Variants in CEP128 observed in about 807,000 individuals in gnomAD.
The protein encoded by CEP128 is centrosomal protein 128.
CEP128 carries 132 observed loss-of-function variants against 156.7 expected under a neutral mutation model. The observed-to-expected ratio is 0.84, with a 90% CI of 0.73 to 0.97. CEP128 has a LOEUF of 0.97. CEP128 is among the 50% of genes least tolerant of loss of function. The pLI is 0.00. For synonymous variants in CEP128, 469 were observed against 448.9 expected, an observed-to-expected ratio of 1.04 and a Z score of -0.57; for missense variants, 1,252 against 1,281.9, an observed-to-expected ratio of 0.98 and a Z score of 0.36.
At chr14:80,836,094 G>A (rs1310776257) in intron 12 of CEP128, 111 bp downstream of exon 12, 1 of 937,202 alleles carries the variant, frequency 1.1e-6, no homozygotes, top group African/African-American at 1.7e-5. Context: ...GAAATAGTAT[G>A]ACGTGAGCAT....
chr14:80,856,990 C>T (rs1313092043), intron 9 of CEP128, among the ~76,000 whole-genome samples: 1 of 151,460 alleles, frequency 6.6e-6, no homozygotes, highest in Non-Finnish European at 1.5e-5. Context: ...TCGAGTGACC[C>T]GCCCACCTCA....
intron 23 of CEP128, among the ~76,000 whole-genome samples, chr14:80,513,130 C>T (rs1176676825): frequency 3.9e-5 from 6 of 152,082 alleles, no homozygotes; most frequent in Non-Finnish European, 7.4e-5. Flanking sequence ...CTGAAGGACT[C>T]CCATTAGCAT....
rs143067210 is a variant in CEP128, at chr14:80,670,016, C to T, written c.2806+73059G>A. ...GGAGCTGGCACATTCATGCCAAAAG[C>T]AGGAGCAAGAGAGAGGAGGGGAGAT... On this transcript the variant is annotated intron_variant, in intron 19 of 24. Coordinates refer to ENST00000555265, the MANE Select transcript of CEP128 (RefSeq NM_152446.5). Among the ~76,000 whole-genome samples the T allele has an allele frequency of 1.2e-4, 18 of 152,170 alleles. No homozygotes were observed. The East Asian group carries it at 3.5e-3, about 29-fold the overall frequency.
At chr14:80,792,070 A>G (rs983218607) in intron 14 of CEP128, among the ~76,000 whole-genome samples, 1 of 152,254 alleles carries the variant, frequency 6.6e-6, no homozygotes, top group Non-Finnish European at 1.5e-5. Context: ...GTTTAATTCA[A>G]CCCAAAGATA....
chr14:80,898,244 T>C (rs1889439850), intron 7 of CEP128, among the ~76,000 whole-genome samples: 1 of 152,222 alleles, frequency 6.6e-6, no homozygotes, highest in Non-Finnish European at 1.5e-5. Flanking sequence ...TACCAACCTT[T>C]CAACATCAAA....
At chr14:80,877,735 G>T (rs1888350722) in intron 8 of CEP128, among the ~76,000 whole-genome samples, 1 of 152,110 alleles carries the variant, frequency 6.6e-6, no homozygotes, top group Non-Finnish European at 1.5e-5. Context: ...AGCTACTTCA[G>T]TCACTGCATA....
At chr14:80,503,889 T>A (rs1390806997) in intron 24 of CEP128, among the ~76,000 whole-genome samples, 1 of 152,052 alleles carries the variant, frequency 6.6e-6, no homozygotes. Context: ...ACACCACTTA[T>A]CAGAAATCGA....
At chr14:80,687,476 G>C (rs1156989026) in intron 19 of CEP128, among the ~76,000 whole-genome samples, 2 of 152,088 alleles carry the variant, frequency 1.3e-5, no homozygotes, top group African/African-American at 4.8e-5. Flanking sequence ...GCATATTAGT[G>C]CAGTAACAGA....
Position 80,580,374 on chromosome 14 carries a change from C to T in CEP128, c.2856G>A (p.Gln952=), listed in dbSNP as rs770709454. 3 of 1,593,868 alleles carry T rather than the reference C, an allele frequency of 1.9e-6. No homozygotes were observed. Among genetic ancestry groups the T allele is most frequent in the Non-Finnish European group, 2.6e-6 (3 of 1,164,162 alleles). Residue 952 remains glutamine (Q), a splice_region_variant and synonymous_variant, in exon 20 of 25, where the codon CAG becomes CAA. Coordinates refer to ENST00000555265, the MANE Select transcript of CEP128 (RefSeq NM_152446.5). ...ATGCTTGCCCTATTTAAGAATTTAC[C>T]TGCAGAGATCCCATTTCTTCATCTT... is the stretch of plus-strand genomic sequence containing the variant. The part of the protein sequence containing the change: ...QRKDEEMGSL[Q]DRVIALETST...
chr14:80,811,677 A>ATGTGTGTGTG (rs71645384), intron 13 of CEP128, among the ~76,000 whole-genome samples: 1 of 146,488 alleles, frequency 6.8e-6, no homozygotes, highest in Non-Finnish European at 1.5e-5. Flanking sequence ...GTACAGACAT[A>ATGTGTGTGTG]TGTGTGTGTG....
chr14:80,526,521 A>C (rs1398461471), intron 23 of CEP128, among the ~76,000 whole-genome samples: 1 of 152,062 alleles, frequency 6.6e-6, no homozygotes, highest in African/African-American at 2.4e-5. Flanking sequence ...CAGTGTGGAG[A>C]GCAGCTAGAC....
chr14:80,499,730 CT>C (rs1887651229), intron 24 of CEP128, among the ~76,000 whole-genome samples: 1 of 152,186 alleles, frequency 6.6e-6, no homozygotes, highest in African/African-American at 2.4e-5. Flanking sequence ...GAAATCTGGT[CT>C]GGTCCCAGTC....
At chr14:80,618,492 A>G (rs1893325030) in intron 19 of CEP128, among the ~76,000 whole-genome samples, 1 of 152,266 alleles carries the variant, frequency 6.6e-6, no homozygotes, top group Non-Finnish European at 1.5e-5. Flanking sequence ...ACAAATACAT[A>G]GTTGAATTCA....
At chr14:80,944,649 C>T (rs1594877032), upstream of CEP128, among the ~76,000 whole-genome samples, 1 of 151,544 alleles carries the variant, frequency 6.6e-6, no homozygotes, top group South Asian at 2.1e-4. Context: ...GGTGAAACTC[C>T]GTCTCTACTA....
intron 20 of CEP128, among the ~76,000 whole-genome samples, chr14:80,575,230 A>G (rs1891307844): frequency 6.6e-6 from 1 of 151,694 alleles, no homozygotes; most frequent in South Asian, 2.1e-4. Context: ...GATTCAGTTC[A>G]TTTCTAATAA....
intron 16 of CEP128, among the ~76,000 whole-genome samples, chr14:80,767,260 T>A (rs1334521879): frequency 6.6e-6 from 1 of 152,084 alleles, no homozygotes; most frequent in East Asian, 1.9e-4. Context: ...GCTGGAAAAT[T>A]ACCACACAGC....
At chr14:80,583,359 C>T (rs1327471725) in intron 19 of CEP128, among the ~76,000 whole-genome samples, 2 of 151,844 alleles carry the variant, frequency 1.3e-5, no homozygotes, top group Non-Finnish European at 2.9e-5. Context: ...ACATATCTTC[C>T]CTTTGAGAAC....
chr14:80,774,322 T>C (rs1016929934), intron 16 of CEP128, among the ~76,000 whole-genome samples: 5 of 152,212 alleles, frequency 3.3e-5, no homozygotes, highest in Non-Finnish European at 7.3e-5. Flanking sequence ...GTAGCCTCAG[T>C]AACATCACAC....
intron 19 of CEP128, among the ~76,000 whole-genome samples, chr14:80,721,871 G>A (rs1251620276): frequency 1.3e-5 from 2 of 152,092 alleles, no homozygotes; most frequent in African/African-American, 2.4e-5. Flanking sequence ...TAAATAATTA[G>A]GCAAGTGTTT....
Sources: allele counts gnomAD v4.1 joint callset (sites outside exome capture counted in the v4.1 genomes callset), GRCh38; gene constraint gnomAD v4.1.1; transcripts MANE v1.5; gene names NCBI Gene and HGNC (gene_info 2026-07-23, HGNC 2026-07-21).